NXPH1: variants seen among roughly 807,000 people sequenced by gnomAD.
NXPH1 encodes the protein neurexophilin-1.
Under a neutral mutation model 23.7 loss-of-function variants are expected in NXPH1, and 5 were observed. That is an observed-to-expected ratio of 0.21 (90% CI 0.11 to 0.44). The LOEUF is 0.44. NXPH1 is among the 20% of genes least tolerant of loss of function. The pLI, the probability that NXPH1 is intolerant of heterozygous loss-of-function variation, is 0.99. For synonymous variants in NXPH1, 144 were observed against 122.2 expected, an observed-to-expected ratio of 1.18 and a Z score of -1.18; for missense variants, 324 against 321.6, an observed-to-expected ratio of 1.01 and a Z score of -0.06.
chr7:8,446,801 T>G (rs1039507862), intron 2 of NXPH1, among the ~76,000 whole-genome samples: 1 of 152,184 alleles, frequency 6.6e-6, no homozygotes, highest in Non-Finnish European at 1.5e-5. Flanking sequence ...ATTTTTTTTT[T>G]CTTACCTTCC....
At chr7:8,640,474 T>A (rs1052695535) in intron 2 of NXPH1, among the ~76,000 whole-genome samples, 5 of 151,744 alleles carry the variant, frequency 3.3e-5, no homozygotes, top group African/African-American at 1.2e-4. Context: ...CTTGCTTTCT[T>A]TGATCTAGTC....
intron 2 of NXPH1, among the ~76,000 whole-genome samples, chr7:8,631,648 G>A (rs1259324510): frequency 1.3e-5 from 2 of 151,960 alleles, no homozygotes; most frequent in African/African-American, 4.8e-5. Context: ...TTCTTAGTAT[G>A]TCCACGAAAT....
intron 2 of NXPH1, among the ~76,000 whole-genome samples, chr7:8,606,533 G>A (rs1028885214): frequency 3.9e-5 from 6 of 152,034 alleles, no homozygotes; most frequent in African/African-American, 7.2e-5. Context: ...AACATAATGG[G>A]GATCAAGAAA....
At chr7:8,630,638 G>T in intron 2 of NXPH1, among the ~76,000 whole-genome samples, 1 of 152,220 alleles carries the variant, frequency 6.6e-6, no homozygotes, top group South Asian at 2.1e-4. Context: ...TAAAACTACT[G>T]AACTTTTATG....
intron 2 of NXPH1, among the ~76,000 whole-genome samples, chr7:8,653,585 CA>C (rs1181450909): frequency 6.6e-5 from 10 of 152,116 alleles, no homozygotes; most frequent in Admixed American, 1.3e-4. Flanking sequence ...CTACCTTTTT[CA>C]ATTATGGTAA....
chr7:8,718,986 A>G lies in NXPH1; in HGVS notation c.55-32022A>G, dbSNP rs369853563. ...ACCCAGACTTGATTTTATGCAGTAA[A>G]TTGTCCAACAGAAGTCTATTTATCT... is the stretch of plus-strand genomic sequence containing the variant. On this transcript the variant is annotated intron_variant, in intron 2 of 2. Coordinates refer to ENST00000405863, the MANE Select transcript of NXPH1 (RefSeq NM_152745.3). Among the ~76,000 whole-genome samples the G allele has an allele frequency of 8.5e-5, 13 of 152,316 alleles. No individual in the cohort carries two copies. In the East Asian group the frequency reaches 2.1e-3, roughly 25 times the overall value.
chr7:8,453,129 AT>A (rs1220642259), intron 2 of NXPH1, among the ~76,000 whole-genome samples: 2 of 152,050 alleles, frequency 1.3e-5, no homozygotes, highest in African/African-American at 4.8e-5. Flanking sequence ...ATACTTTTTT[AT>A]TTTTTACAGA....
intron 2 of NXPH1, among the ~76,000 whole-genome samples, chr7:8,669,795 A>T (rs1489649289): frequency 1.3e-5 from 2 of 152,152 alleles, no homozygotes; most frequent in Non-Finnish European, 2.9e-5. Context: ...TGGGTAATGT[A>T]CAACTGTCCT....
chr7:8,697,173 A>C (rs1250897983), intron 2 of NXPH1, among the ~76,000 whole-genome samples: 1 of 151,416 alleles, frequency 6.6e-6, no homozygotes, highest in Non-Finnish European at 1.5e-5. Flanking sequence ...AAAAAAAAAA[A>C]AAAAAAAGTG....
At chr7:8,683,409 G>C (rs1821088794) in intron 2 of NXPH1, among the ~76,000 whole-genome samples, 1 of 152,098 alleles carries the variant, frequency 6.6e-6, no homozygotes, top group South Asian at 2.1e-4. Flanking sequence ...TAGAAAAAGA[G>C]TGGGGCTATA....
At chr7:8,527,066 G>A (rs913392935) in intron 2 of NXPH1, among the ~76,000 whole-genome samples, 1 of 151,932 alleles carries the variant, frequency 6.6e-6, no homozygotes, top group Non-Finnish European at 1.5e-5. Context: ...AAAATGGGTA[G>A]AATTTTCCTA....
At chr7:8,745,023 CAAAAT>C (rs1221157265) in intron 2 of NXPH1, among the ~76,000 whole-genome samples, 2 of 152,108 alleles carry the variant, frequency 1.3e-5, no homozygotes, top group East Asian at 3.9e-4. Flanking sequence ...AAAAAGAAAA[CAAAAT>C]GAAATGTAGT....
intron 2 of NXPH1, among the ~76,000 whole-genome samples, chr7:8,571,150 C>G (rs1584239997): frequency 1.3e-5 from 2 of 151,814 alleles, no homozygotes; most frequent in East Asian, 3.9e-4. Flanking sequence ...GAATCTTTAA[C>G]AAGATCTCCA....
At chr7:8,748,609 C>T (rs1472524598) in intron 2 of NXPH1, among the ~76,000 whole-genome samples, 1 of 152,190 alleles carries the variant, frequency 6.6e-6, no homozygotes, top group Non-Finnish European at 1.5e-5. Context: ...CATCTCTGCA[C>T]ACAATGGCCC....
In NXPH1 at chr7:8,435,544, G is replaced by C. The variant is rs1816178039; in HGVS notation, c.-110-60G>C. On this transcript the variant is annotated intron_variant, in intron 1 of 2. Transcript: ENST00000405863. The surrounding 1 kb of genome is among the most constrained non-coding windows in gnomAD (Gnocchi z 5.9). ...CCGCTACGACCCCCTTTCCCCGCTT[G>C]ATTGTCAAGCCTAACCTTGCCCGCG... The C allele has an allele frequency of 3.5e-6, 2 of 578,936 alleles. No homozygotes were observed. Among genetic ancestry groups the C allele is most frequent in the Non-Finnish European group, 6.3e-6 (2 of 318,572 alleles). 35.9% of individuals were successfully genotyped at this position (578,936 alleles called of 1,614,324 possible).
At chr7:8,448,219 A>G (rs990249394) in intron 2 of NXPH1, among the ~76,000 whole-genome samples, 3 of 152,254 alleles carry the variant, frequency 2.0e-5, no homozygotes, top group African/African-American at 7.2e-5. Context: ...TAGAGTTATT[A>G]TTGAGAATTC....
chr7:8,546,719 C>G (rs1174456945), intron 2 of NXPH1, among the ~76,000 whole-genome samples: 1 of 151,424 alleles, frequency 6.6e-6, no homozygotes, highest in Admixed American at 6.6e-5. Flanking sequence ...GACCCCTCTT[C>G]CCTGCTCCAT....
intron 2 of NXPH1, among the ~76,000 whole-genome samples, chr7:8,513,868 T>C (rs977256025): frequency 6.6e-6 from 1 of 152,122 alleles, no homozygotes; most frequent in Non-Finnish European, 1.5e-5. Context: ...CAGAAACGTA[T>C]TGTCTCTCAG....
intron 2 of NXPH1, among the ~76,000 whole-genome samples, chr7:8,694,361 T>G (rs1821270342): frequency 6.6e-6 from 1 of 152,204 alleles, no homozygotes; most frequent in East Asian, 1.9e-4. Flanking sequence ...AAAATGAATT[T>G]TTGAAGTCTC....
Sources: allele counts gnomAD v4.1 joint callset (sites outside exome capture counted in the v4.1 genomes callset), GRCh38; gene constraint gnomAD v4.1.1; non-coding constraint Gnocchi (gnomAD v3.1); transcripts MANE v1.5; gene names NCBI Gene and HGNC (gene_info 2026-07-23, HGNC 2026-07-21).